The following DLC1 variants were observed in gnomAD, a reference collection of about 807,000 sequenced individuals.
DLC1 encodes the protein rho GTPase-activating protein 7.
Under a neutral mutation model 140.3 loss-of-function variants are expected in DLC1, and 54 were observed. The observed-to-expected ratio is 0.38, with a 90% CI of 0.31 to 0.48. The LOEUF is 0.48. Ranked by LOEUF, DLC1 falls within the 20% of genes least tolerant of loss-of-function variation. DLC1 has a pLI of 0.96. For missense variants in DLC1, 2,536 were observed against 1,907.0 expected (o/e 1.33, Z -6.14); for synonymous variants, 986 against 728.1 (o/e 1.35, Z -5.70).
chr8:13,166,950 G>C (rs370819957), intron 5 of DLC1, among the ~76,000 whole-genome samples: 6 of 152,004 alleles, frequency 3.9e-5, no homozygotes, highest in African/African-American at 1.4e-4. Context: ...CCTGAGAGAC[G>C]GACCCATTTC....
intron 2 of DLC1, among the ~76,000 whole-genome samples, chr8:13,401,878 A>T (rs1383376170): frequency 6.6e-6 from 1 of 152,186 alleles, no homozygotes; most frequent in African/African-American, 2.4e-5. Flanking sequence ...AACACCTATG[A>T]GTAATGGCAT....
chr8:13,461,973 C>A (rs289532), intron 2 of DLC1, among the ~76,000 whole-genome samples: 1 of 151,936 alleles, frequency 6.6e-6, no homozygotes, highest in African/African-American at 2.4e-5. Context: ...CCTCTCACCT[C>A]AGCAGTAGTG....
At chr8:13,407,181 G>A (rs950942368) in intron 2 of DLC1, among the ~76,000 whole-genome samples, 16 of 152,186 alleles carry the variant, frequency 1.1e-4, no homozygotes, top group Non-Finnish European at 1.6e-4. Flanking sequence ...TCTGAAAGAA[G>A]TTCCTAATTT....
intron 1 of DLC1, among the ~76,000 whole-genome samples, chr8:13,566,572 G>C (rs1218022346): frequency 2.0e-5 from 3 of 152,142 alleles, no homozygotes; most frequent in Non-Finnish European, 4.4e-5. Context: ...GCATTTAGGC[G>C]GGCGTACACG....
intron 5 of DLC1, among the ~76,000 whole-genome samples, chr8:13,177,244 G>A (rs1186821537): frequency 1.3e-5 from 2 of 152,046 alleles, no homozygotes; most frequent in Non-Finnish European, 2.9e-5. Flanking sequence ...GGGGTTTCTT[G>A]GGTCTTGTGA....
intron 5 of DLC1, among the ~76,000 whole-genome samples, chr8:13,292,794 C>T (rs577296965): frequency 6.6e-6 from 1 of 152,100 alleles, no homozygotes; most frequent in South Asian, 2.1e-4. Context: ...TTGTGTCACT[C>T]ATTTTTTTGT....
chr8:13,085,652 C>T lies in DLC1; in HGVS notation c.*159G>A. Reference sequence around the variant, plus strand: ...ATACAGACCCTCAACAAACAGGAAGCAGCTTTAAAAATGTATCAAATTGCT... The same window carrying T: ...ATACAGACCCTCAACAAACAGGAAGTAGCTTTAAAAATGTATCAAATTGCT... On this transcript the variant is annotated 3_prime_UTR_variant, in exon 18 of 18. Coordinates refer to ENST00000276297, the MANE Select transcript of DLC1 (RefSeq NM_182643.3). 1.8e-6 allele frequency: 2 copies of T among 1,110,418 alleles called. No homozygotes were observed. The highest frequency in any genetic ancestry group is 3.7e-5 in the South Asian group (2 of 53,492). The allele number at this position is 1,110,418 out of a possible 1,614,324, so 68.8% of individuals were successfully genotyped here. A position where few individuals can be genotyped will look rare whatever the true frequency, so the allele number is the denominator to read the frequency against.
chr8:13,359,099 C>A (rs561373054), intron 4 of DLC1, among the ~76,000 whole-genome samples: 1 of 152,094 alleles, frequency 6.6e-6, no homozygotes, highest in East Asian at 1.9e-4. Context: ...CCACCACGCC[C>A]GGCTAATTTT....
intron 4 of DLC1, among the ~76,000 whole-genome samples, chr8:13,339,281 A>C (rs983527700): frequency 3.3e-5 from 5 of 152,214 alleles, no homozygotes; most frequent in African/African-American, 1.2e-4. Context: ...GACAAGGCAC[A>C]ATATGTGATT....
At chr8:13,141,256 C>CAAAAAAAAAAAAAAAAAAAAAAAAAAA (rs34321250) in intron 5 of DLC1, among the ~76,000 whole-genome samples, 2 of 63,766 alleles carry the variant, frequency 3.1e-5, no homozygotes, top group African/African-American at 8.7e-5. Context: ...GAGTCTGTCT[C>CAAAAAAAAAAAAAAAAAAAAAAAAAAA]AAAAAAAAAA....
intron 1 of DLC1, among the ~76,000 whole-genome samples, chr8:13,602,218 A>T (rs1232281677): frequency 6.6e-6 from 1 of 151,842 alleles, no homozygotes; most frequent in African/African-American, 2.4e-5. Context: ...AATTTAGGCT[A>T]TTTTCAATGA....
chr8:13,586,896 C>G (rs901332982), intron 1 of DLC1, among the ~76,000 whole-genome samples: 3 of 151,990 alleles, frequency 2.0e-5, no homozygotes, highest in African/African-American at 4.8e-5. Flanking sequence ...TTCTAAGGTA[C>G]CAGAAACCTT....
chr8:13,427,584 C>T (rs1338599352), intron 2 of DLC1, among the ~76,000 whole-genome samples: 3 of 152,268 alleles, frequency 2.0e-5, no homozygotes, highest in Non-Finnish European at 4.4e-5. Flanking sequence ...TCCTCTACCT[C>T]GAAATATTTG....
At chr8:13,406,651 G>A (rs956395499) in intron 2 of DLC1, among the ~76,000 whole-genome samples, 36 of 152,064 alleles carry the variant, frequency 2.4e-4, no homozygotes, top group Admixed American at 1.2e-3. Context: ...CGGTAATTAT[G>A]TTTACTCTTC....
intron 2 of DLC1, among the ~76,000 whole-genome samples, chr8:13,457,591 G>T (rs559178673): frequency 2.2e-5 from 3 of 139,198 alleles, no homozygotes; most frequent in African/African-American, 7.8e-5. Context: ...GCAGGAGAAT[G>T]ATGTGAACCT....
At chr8:13,284,127 G>A (rs979030098) in intron 5 of DLC1, among the ~76,000 whole-genome samples, 1 of 152,152 alleles carries the variant, frequency 6.6e-6, no homozygotes, top group African/African-American at 2.4e-5. Context: ...CAGGAAATAC[G>A]GAGCATTAGA....
chr8:13,527,832 C>A (rs969062899), intron 1 of DLC1, among the ~76,000 whole-genome samples: 1 of 152,072 alleles, frequency 6.6e-6, no homozygotes, highest in African/African-American at 2.4e-5. Context: ...TTAGAGAATC[C>A]TTAGCTTTAA....
At chr8:13,252,637 T>C (rs1830058323) in intron 5 of DLC1, among the ~76,000 whole-genome samples, 1 of 152,202 alleles carries the variant, frequency 6.6e-6, no homozygotes, top group African/African-American at 2.4e-5. Flanking sequence ...TTTAGAAATC[T>C]TTCTCAGTAA....
chr8:13,086,055 C>A (rs1263740857), intron 17 of DLC1, 124 bp from the exon 18 acceptor site: 1 of 1,436,260 alleles, frequency 7.0e-7, no homozygotes, highest in East Asian at 2.4e-5. Context: ...CCTTTGAATT[C>A]ATGGCCGAGC....
Sources: gnomAD v4.1 joint callset for allele counts (sites outside exome capture counted in the v4.1 genomes callset) on GRCh38, gnomAD v4.1.1 for gene constraint, MANE v1.5 for transcripts, NCBI Gene and HGNC (gene_info 2026-07-23, HGNC 2026-07-21) for gene names.